Variants in PRAM1 observed in about 807,000 individuals in gnomAD.
PRAM1 encodes the protein PML-RARA regulated adaptor molecule 1, also known as PML-RARA-regulated adapter molecule 1.
PRAM1 carries 41 observed loss-of-function variants against 55.3 expected under a neutral mutation model. The observed-to-expected ratio is 0.74, with a 90% CI of 0.58 to 0.96. The LOEUF (loss-of-function observed/expected upper bound fraction) is 0.96, where lower values mean the gene tolerates loss of function less well. Among genes scored for constraint, PRAM1 ranks in the 40% least tolerant of loss-of-function variants. The pLI, the probability that PRAM1 is intolerant of heterozygous loss-of-function variation, is 0.00. For synonymous variants in PRAM1, 401 were observed against 387.1 expected (o/e 1.04, Z -0.42); for missense variants, 898 against 892.7 (o/e 1.01, Z -0.08).
Position 8,499,606 on chromosome 19 carries a change from A to T in PRAM1, c.202T>A (p.Ser68Thr), listed in dbSNP as rs1971775031. 7.2e-6 allele frequency: 11 copies of T among 1,530,924 alleles called. No individual in the cohort carries two copies. The African/African-American group carries it at 8.0e-5, about 11-fold the overall frequency. 94.8% of individuals were successfully genotyped at this position (1,530,924 alleles called of 1,614,324 possible). ...ACCTCAGGCGGCGGGGGCTTCAAGG[A>T]CACTGCACCAAACTCAGGCAGCGGG... Reference protein sequence around the residue: ...KAPLPEFGAVSLKPPPPEVTD... With the variant: ...KAPLPEFGAVTLKPPPPEVTD... Residue 68 changes from serine to threonine, a missense_variant, in exon 2 of 10, where the codon TCC becomes ACC. Transcript: ENST00000423345.
rs1278907478 is a variant in PRAM1 at position 8,498,296 on chromosome 19, G to C, written c.1433-7C>G. On this transcript the variant is annotated splice_polypyrimidine_tract_variant and splice_region_variant and intron_variant, in intron 2 of 9. Transcript: ENST00000423345. ...GAGCGGGTCCTCCGTAGATCTGTGG[G>C]GTAGAGAGTAGGGCAGGGAAGCCGG... is the stretch of plus-strand genomic sequence containing the variant. 6.2e-7 allele frequency: 1 copy of C among 1,611,252 alleles called. No homozygotes were observed. Among genetic ancestry groups the C allele is most frequent in the East Asian group, 2.2e-5 (1 of 44,856 alleles).
Position 8,490,707 on chromosome 19 carries a change from G to C in PRAM1, c.1793C>G (p.Ala598Gly). 1 of 1,611,016 alleles carries C rather than the reference G, an allele frequency of 6.2e-7. No individual in the cohort carries two copies. Among genetic ancestry groups the C allele is most frequent in the Non-Finnish European group, 8.5e-7 (1 of 1,179,046 alleles). The change falls in exon 7 of 10, where the codon GCT (alanine) becomes GGT (glycine). Residue 598 changes from alanine (A) to glycine (G), a missense_variant. By Grantham distance (60) the Ala-to-Gly change is moderately conservative. Transcript: ENST00000423345. The surrounding 1 kb of genome is among the most constrained non-coding windows in gnomAD (Gnocchi z 7.3). ...CTTGCCACCCCCGCGACGTGTCTTA[G>C]CGTTGGGGTCGATCATCATCTTCGT... The part of the protein sequence containing the change: ...VHTKMMIDPN[A>G]KTRRGGGKHL...
chr19:8,501,295 A>T (rs1225564225), intron 1 of PRAM1, among the ~76,000 whole-genome samples: 1 of 150,888 alleles, frequency 6.6e-6, no homozygotes, highest in African/African-American at 2.4e-5. Context: ...GGGTTTTACC[A>T]TGTTGGCCAG....
At chr19:8,500,095 C>T (rs1323555462) in intron 1 of PRAM1, among the ~76,000 whole-genome samples, 1 of 128,536 alleles carries the variant, frequency 7.8e-6, no homozygotes, top group Non-Finnish European at 1.6e-5. Context: ...GCATCCTTGA[C>T]CCCCTCATTC....
At chr19:8,500,819 G>A (rs1823864394) in intron 1 of PRAM1, among the ~76,000 whole-genome samples, 1 of 152,224 alleles carries the variant, frequency 6.6e-6, no homozygotes, top group African/African-American at 2.4e-5. Context: ...AGACTGGAGT[G>A]CAATGGCGCG....
intron 4 of PRAM1, chr19:8,496,158 G>A: frequency 2.2e-6 from 1 of 454,964 alleles, no homozygotes; most frequent in South Asian, 1.6e-5. Context: ...GCTCACGCCT[G>A]AAATCTCAGC....
chr19:8,490,834 T>TG lies in PRAM1; in HGVS notation c.1743+52dup, dbSNP rs551522105. 787 of 1,609,248 alleles carry TG rather than the reference T, an allele frequency of 4.9e-4. 15 individuals are homozygous for TG. In the East Asian group the frequency reaches 0.013, roughly 26 times the overall value. On this transcript the variant is annotated intron_variant, in intron 6 of 9. Transcript: ENST00000423345. The surrounding 1 kb of genome is among the most constrained non-coding windows in gnomAD (Gnocchi z 7.3). ...GTCTTCTTTCTGAGCCTGGGATCGG[T>TG]GGGACCCTGGTCTCCGCCCTGCCAG...
At position 8,494,108 on chromosome 19, in the gene PRAM1, T is replaced by G. The variant is rs1971665370; in HGVS notation, c.1577-2951A>C. On this transcript the variant is annotated intron_variant, in intron 4 of 9. Coordinates refer to ENST00000423345, the MANE Select transcript of PRAM1 (RefSeq NM_032152.5). ...CCACCGCGCCCGGCCCCTTTTTTCT[T>G]TTTTCCTATCAGAACCTCAAATGAC... 2.6e-5 allele frequency among the ~76,000 whole-genome samples: 4 copies of G among 152,124 alleles called. No homozygotes were observed. In the South Asian group the frequency reaches 8.3e-4, roughly 31 times the overall value.
chr19:8,501,507 A>ATTTTTTTTTTTTTTT (rs773534887), intron 1 of PRAM1, among the ~76,000 whole-genome samples: 2 of 102,858 alleles, frequency 1.9e-5, no homozygotes, highest in Admixed American at 1.1e-4. Context: ...ATGTGTCTTG[A>ATTTTTTTTTTTTTTT]TTTTTTTTTT....
At chr19:8,492,957 G>A (rs1299213142) in intron 4 of PRAM1, among the ~76,000 whole-genome samples, 5 of 152,184 alleles carry the variant, frequency 3.3e-5, no homozygotes, top group East Asian at 1.9e-4. Context: ...AGATGGCGCC[G>A]CTGCACTCCA....
rs764489809 is a variant in PRAM1, at chr19:8,498,646, C to T, written c.1162G>A (p.Ala388Thr). 3.1e-6 allele frequency: 5 copies of T among 1,611,574 alleles called. No homozygotes were observed. The highest frequency in any genetic ancestry group is 3.3e-4 in the Middle Eastern group (2 of 6,080). ...GCCGCAGGCAGTGAGCTCTCGGAAGCGGAGCTGGGGAGTGGAGGCTTTCGA... is the reference window on the plus strand; with the variant it reads ...GCCGCAGGCAGTGAGCTCTCGGAAGTGGAGCTGGGGAGTGGAGGCTTTCGA... ...LPRKPPLPSS[A>T]SESSLPAAVA... Residue 388 changes from alanine to threonine, a missense_variant, in exon 2 of 10, where the codon GCT becomes ACT. By Grantham distance (58) the Ala-to-Thr change is moderately conservative. This residue lies in a region of PRAM1 where 787 missense variants were observed against 735.4 expected (regional missense o/e 1.07). Coordinates refer to ENST00000423345, the MANE Select transcript of PRAM1 (RefSeq NM_032152.5).
chr19:8,498,491 G>T lies in PRAM1; in HGVS notation c.1317C>A (p.Pro439=). 1.3e-6 allele frequency: 2 copies of T among 1,594,850 alleles called. No homozygotes were observed. Among genetic ancestry groups the T allele is most frequent in the Non-Finnish European group, 8.5e-7 (1 of 1,170,286 alleles). The change falls in exon 2 of 10, where the codon CCC becomes CCA. Residue 439 remains proline (P), a synonymous_variant. Coordinates refer to ENST00000423345, the MANE Select transcript of PRAM1 (RefSeq NM_032152.5). ...ARPGLRPSHP[P]RRRPLPPASS... is the part of the protein sequence containing the mutation. ...TGGCAGGGGGCAGAGGCCTCCGCCG[G>T]GGTGGATGGCTGGGTCTGAGGCCTG...
At chr19:8,497,939 G>T in intron 3 of PRAM1, 99 bp from the exon 4 acceptor site, 1 of 927,218 alleles carries the variant, frequency 1.1e-6, no homozygotes. Context: ...GTGGTGCAGG[G>T]GCATGATCTC....
chr19:8,494,946 T>C (rs1320354325), intron 4 of PRAM1, among the ~76,000 whole-genome samples: 3 of 148,504 alleles, frequency 2.0e-5, no homozygotes, highest in South Asian at 4.3e-4. Context: ...TTTTTTTTTT[T>C]CAACTGAGAC....
At position 8,490,765 on chromosome 19, in the gene PRAM1, C is replaced by A. The variant is rs372935973; in HGVS notation, c.1744-9G>T. 27 of 1,607,956 alleles carry A rather than the reference C, an allele frequency of 1.7e-5. No homozygotes were observed. In the African/African-American group the frequency reaches 3.1e-4, roughly 18 times the overall value. On this transcript the variant is annotated splice_polypyrimidine_tract_variant and intron_variant, in intron 6 of 9. Coordinates refer to ENST00000423345, the MANE Select transcript of PRAM1 (RefSeq NM_032152.5). This position sits in a 1 kb window ranked among gnomAD's most constrained non-coding sequence, Gnocchi z 7.3. ...ACGATCTCCCCTTCAAACTGGGGCG[C>A]GAGATGTTAGGGCCTCTGCTTGTGC... is the stretch of plus-strand genomic sequence containing the variant.
At position 8,490,162 on chromosome 19, in the gene PRAM1, G is replaced by T. The variant is rs1599874524; in HGVS notation, c.*27C>A. Reference sequence around the variant, plus strand: ...GGGTGAGCGGGCGCTGGGCTGGCTGGCTGTCCTGGCCCCACGCCTACCGGT... The same window carrying T: ...GGGTGAGCGGGCGCTGGGCTGGCTGTCTGTCCTGGCCCCACGCCTACCGGT... On this transcript the variant is annotated 3_prime_UTR_variant, in exon 10 of 10. Transcript: ENST00000423345. The surrounding 1 kb of genome is among the most constrained non-coding windows in gnomAD (Gnocchi z 7.3). The T allele has an allele frequency of 2.6e-6, 4 of 1,527,886 alleles. No homozygotes were observed. Among genetic ancestry groups the T allele is most frequent in the Non-Finnish European group, 3.5e-6 (4 of 1,134,256 alleles). The allele number at this position is 1,527,886 out of a possible 1,614,324, so 94.6% of individuals were successfully genotyped here.
rs376780635 is a variant in PRAM1, at chr19:8,490,556, C to T, written c.1906+38G>A. ...TGGGTTCTGAGGCCCAGGGTGGCGG[C>T]GGGGACCTCCCGGGGCTGCGGGGCC... On this transcript the variant is annotated intron_variant, in intron 7 of 9. Transcript: ENST00000423345. This position sits in a 1 kb window ranked among gnomAD's most constrained non-coding sequence, Gnocchi z 7.3. 9.2e-5 allele frequency: 147 copies of T among 1,598,988 alleles called. No homozygotes were observed. The African/African-American group carries it at 1.6e-3, about 18-fold the overall frequency.
At position 8,493,588 on chromosome 19, in the gene PRAM1, G is replaced by C. The variant is rs1323655958; in HGVS notation, c.1577-2431C>G. 6.6e-6 allele frequency among the ~76,000 whole-genome samples: 1 copy of C among 151,028 alleles called. No individual in the cohort carries two copies. Among genetic ancestry groups the C allele is most frequent in the South Asian group, 2.1e-4 (1 of 4,832 alleles). On this transcript the variant is annotated intron_variant, in intron 4 of 9. Coordinates refer to ENST00000423345, the MANE Select transcript of PRAM1 (RefSeq NM_032152.5). This position sits in a 1 kb window ranked among gnomAD's most constrained non-coding sequence, Gnocchi z 4.1. ...TGGCCAGCTCAGATCCCTGGGAAAG[G>C]CTGGGCTCTCCCCACCTGCAGAGGA...
chr19:8,493,146 G>C lies in PRAM1; in HGVS notation c.1577-1989C>G, dbSNP rs561775536. On this transcript the variant is annotated intron_variant, in intron 4 of 9. Transcript: ENST00000423345. The surrounding 1 kb of genome is among the most constrained non-coding windows in gnomAD (Gnocchi z 4.1). The stretch of plus-strand genomic sequence containing the variant: ...GGCAAATGACCAGGCTCCCAAGTCA[G>C]AGCCCTGCTGGCCAAGGAATTGGCT... Among the ~76,000 whole-genome samples the C allele has an allele frequency of 6.6e-6, 1 of 152,306 alleles. No individual in the cohort carries two copies. Among genetic ancestry groups the C allele is most frequent in the East Asian group, 1.9e-4 (1 of 5,184 alleles).
Sources: gnomAD v4.1 joint callset for allele counts (sites outside exome capture counted in the v4.1 genomes callset) on GRCh38, gnomAD v4.1.1 for gene constraint, gnomAD v4.1.1 regional missense constraint, Gnocchi (gnomAD v3.1) non-coding constraint, MANE v1.5 for transcripts, NCBI Gene and HGNC (gene_info 2026-07-23, HGNC 2026-07-21) for gene names.